The following CEP112 variants were observed in gnomAD, a reference collection of about 807,000 sequenced individuals.
CEP112 encodes the protein centrosomal protein of 112 kDa.
A neutral mutation model predicts 153.0 loss-of-function variants in CEP112; 127 were observed. The ratio of observed to expected loss-of-function variants is 0.83; its 90% CI spans 0.72 to 0.96. CEP112 has a LOEUF of 0.96. Ranked by LOEUF, CEP112 falls within the 40% of genes least tolerant of loss-of-function variation. The probability of loss-of-function intolerance (pLI) is 0.00; values close to 1 mark genes in which losing one functional copy is unlikely to be tolerated. For synonymous variants in CEP112, 358 were observed against 374.4 expected, an observed-to-expected ratio of 0.96 and a Z score of 0.51; for missense variants, 1,089 against 1,101.2, an observed-to-expected ratio of 0.99 and a Z score of 0.16.
chr17:66,030,149 T>G, intron 12 of CEP112, 126 bp from the exon 13 acceptor site: 6 of 692,586 alleles, frequency 8.7e-6, no homozygotes, highest in South Asian at 3.0e-5. Flanking sequence ...TAAACCATGG[T>G]AGTAGAAATT....
intron 18 of CEP112, among the ~76,000 whole-genome samples, chr17:65,941,190 T>C (rs902285414): frequency 6.6e-6 from 1 of 152,030 alleles, no homozygotes; most frequent in African/African-American, 2.4e-5. Flanking sequence ...ACATATAAAA[T>C]TGGTTTTTGT....
At chr17:65,789,940 C>G (rs1027433091) in intron 21 of CEP112, among the ~76,000 whole-genome samples, 2 of 152,184 alleles carry the variant, frequency 1.3e-5, no homozygotes, top group Non-Finnish European at 2.9e-5. Flanking sequence ...TACTCCAAGT[C>G]TATATCCTAA....
chr17:65,983,598 C>A (rs1004881437), intron 17 of CEP112, among the ~76,000 whole-genome samples: 6 of 151,928 alleles, frequency 3.9e-5, no homozygotes, highest in Admixed American at 3.3e-4. Flanking sequence ...GGCAACCCTT[C>A]CTCTCCCTCC....
chr17:66,190,261 A>G (rs536418506), intron 1 of CEP112, among the ~76,000 whole-genome samples: 1 of 152,068 alleles, frequency 6.6e-6, no homozygotes, highest in Admixed American at 6.5e-5. Context: ...GTGAGCTGAA[A>G]TCATGCCACT....
At chr17:65,681,515 G>C (rs1167547884) in intron 24 of CEP112, among the ~76,000 whole-genome samples, 1 of 149,902 alleles carries the variant, frequency 6.7e-6, no homozygotes, top group East Asian at 1.9e-4. Flanking sequence ...GCCTCCAAAT[G>C]AATGTCCTCC....
chr17:65,970,380 TGCATATATATTACATGCATGCACACATC>T, intron 17 of CEP112, among the ~76,000 whole-genome samples: 1 of 62,664 alleles, frequency 1.6e-5, no homozygotes, highest in Non-Finnish European at 3.7e-5. Flanking sequence ...GCACACATCA[TGCATATATATTACATGCATGCACACATC>T]ATGCATGTAT....
At chr17:65,972,140 C>G (rs143989135) in intron 17 of CEP112, among the ~76,000 whole-genome samples, 144 of 152,262 alleles carry the variant, frequency 9.5e-4, no homozygotes, top group Non-Finnish European at 1.8e-3. Context: ...TCAACATAGA[C>G]TATTCTGGAA....
intron 21 of CEP112, among the ~76,000 whole-genome samples, chr17:65,761,536 T>A (rs956446535): frequency 2.6e-5 from 4 of 152,148 alleles, no homozygotes; most frequent in African/African-American, 9.6e-5. Flanking sequence ...AAATGCATTC[T>A]ATGTTATAAA....
intron 21 of CEP112, among the ~76,000 whole-genome samples, chr17:65,848,132 C>A (rs2057794591): frequency 6.6e-6 from 1 of 152,214 alleles, no homozygotes; most frequent in African/African-American, 2.4e-5. Context: ...TCAAAATGCT[C>A]AACCCATGTT....
intron 20 of CEP112, among the ~76,000 whole-genome samples, chr17:65,880,144 TAC>T (rs2059009461): frequency 6.6e-6 from 1 of 152,224 alleles, no homozygotes; most frequent in Non-Finnish European, 1.5e-5. Flanking sequence ...TGTATAAAAA[TAC>T]AGTTGATTTT....
chr17:66,102,442 A>T (rs1394888511), intron 6 of CEP112, among the ~76,000 whole-genome samples: 1 of 152,164 alleles, frequency 6.6e-6, no homozygotes, highest in Admixed American at 6.5e-5. Flanking sequence ...AAAATAATAT[A>T]TTGTGGAGTT....
chr17:66,004,454 G>A (rs1008887104), intron 17 of CEP112, among the ~76,000 whole-genome samples: 6 of 152,162 alleles, frequency 3.9e-5, no homozygotes, highest in South Asian at 2.1e-4. Context: ...TCGCACCACT[G>A]CACTCCAGCC....
chr17:65,879,240 G>A (rs2058966010), intron 20 of CEP112, among the ~76,000 whole-genome samples: 2 of 152,190 alleles, frequency 1.3e-5, no homozygotes, highest in Admixed American at 1.3e-4. Context: ...GAATGACAGG[G>A]TCAGAAAGAA....
chr17:66,091,445 A>C (rs145104225), intron 8 of CEP112, among the ~76,000 whole-genome samples: 66 of 152,304 alleles, frequency 4.3e-4, no homozygotes, highest in African/African-American at 1.5e-3. Context: ...AACAGCTACT[A>C]TGTCAAAGAA....
At chr17:65,970,373 CACATCAT>C (rs1225880839) in intron 17 of CEP112, among the ~76,000 whole-genome samples, 117 of 70,114 alleles carry the variant, frequency 1.7e-3, no homozygotes, top group Admixed American at 3.7e-3. Context: ...ATTACATGCA[CACATCAT>C]GCATATATAT....
At chr17:65,914,147 G>A (rs898813480) in intron 19 of CEP112, among the ~76,000 whole-genome samples, 15 of 151,320 alleles carry the variant, frequency 9.9e-5, no homozygotes, top group Non-Finnish European at 7.4e-5. Context: ...ACTCCATATA[G>A]ATGGAGTTCA....
intron 21 of CEP112, among the ~76,000 whole-genome samples, chr17:65,760,609 G>C (rs932043069): frequency 1.3e-5 from 2 of 151,726 alleles, no homozygotes; most frequent in African/African-American, 4.8e-5. Flanking sequence ...ACTTGGCTCT[G>C]GTATATAATT....
rs879640232 is a variant in CEP112, at chr17:65,719,490, G to A, written c.2607+23578C>T. On this transcript the variant is annotated intron_variant, in intron 23 of 26. Transcript: ENST00000535342. ...CCAGCTGCTCGGGAGGCTGAGGCAC[G>A]AGAATCACTTGAACCCTGGAGGCAG... Among the ~76,000 whole-genome samples the A allele has an allele frequency of 1.1e-4, 17 of 152,278 alleles. No homozygotes were observed. The South Asian group carries it at 2.5e-3, about 22-fold the overall frequency.
chr17:66,125,258 A>T (rs1003329360), intron 6 of CEP112, among the ~76,000 whole-genome samples: 1 of 152,206 alleles, frequency 6.6e-6, no homozygotes, highest in Admixed American at 6.5e-5. Flanking sequence ...CCTAGTCTCA[A>T]AATCTGACAC....
Sources: gnomAD v4.1 joint callset for allele counts (sites outside exome capture counted in the v4.1 genomes callset) on GRCh38, gnomAD v4.1.1 for gene constraint, MANE v1.5 for transcripts, NCBI Gene and HGNC (gene_info 2026-07-23, HGNC 2026-07-21) for gene names.